Variants in RNFT2 observed in about 807,000 individuals in gnomAD.
RNFT2 encodes E3 ubiquitin-protein ligase RNFT2.
RNFT2 carries 36 observed loss-of-function variants against 53.0 expected under a neutral mutation model. The ratio of observed to expected loss-of-function variants is 0.68; its 90% CI spans 0.52 to 0.90. The LOEUF is 0.90. Among genes scored for constraint, RNFT2 ranks in the 40% least tolerant of loss-of-function variants. RNFT2 has a pLI of 0.00. For synonymous variants in RNFT2, 260 were observed against 253.2 expected, an observed-to-expected ratio of 1.03 and a Z score of -0.26; for missense variants, 514 against 585.6, an observed-to-expected ratio of 0.88 and a Z score of 1.26.
chr12:116,829,428 G>A (rs954848546), intron 7 of RNFT2, among the ~76,000 whole-genome samples: 1 of 152,164 alleles, frequency 6.6e-6, no homozygotes, highest in Non-Finnish European at 1.5e-5. Context: ...GGAGTCAGGA[G>A]GGGAAAGGAG....
intron 7 of RNFT2, among the ~76,000 whole-genome samples, chr12:116,795,501 A>T (rs1471908886): frequency 6.6e-6 from 1 of 152,108 alleles, no homozygotes; most frequent in East Asian, 1.9e-4. Context: ...TACAGGCCAC[A>T]TGTGGCTCTC....
chr12:116,752,580 T>G (rs1425510062), intron 4 of RNFT2, among the ~76,000 whole-genome samples: 2 of 152,098 alleles, frequency 1.3e-5, no homozygotes, highest in African/African-American at 4.8e-5. Context: ...CACATACCTA[T>G]TAAAAGAGTA....
At chr12:116,837,546 T>C (rs1318307682) in intron 10 of RNFT2, among the ~76,000 whole-genome samples, 1 of 152,154 alleles carries the variant, frequency 6.6e-6, no homozygotes, top group African/African-American at 2.4e-5. Context: ...TTATTGCTGT[T>C]TGGAGATTTG....
intron 7 of RNFT2, among the ~76,000 whole-genome samples, chr12:116,804,092 C>A (rs1329698446): frequency 1.3e-5 from 2 of 152,216 alleles, no homozygotes; most frequent in African/African-American, 2.4e-5. Context: ...TGGTTCCTTA[C>A]TTTTACTACA....
chr12:116,801,860 TG>T (rs1256046767), intron 7 of RNFT2, among the ~76,000 whole-genome samples: 5 of 152,150 alleles, frequency 3.3e-5, no homozygotes, highest in African/African-American at 9.6e-5. Context: ...CTCACTCTGT[TG>T]CCCAGGCTGG....
At chr12:116,837,201 C>CAAATGTG (rs1238954165) in intron 10 of RNFT2, among the ~76,000 whole-genome samples, 1 of 152,122 alleles carries the variant, frequency 6.6e-6, no homozygotes, top group South Asian at 2.1e-4. Flanking sequence ...GTCAATTCAG[C>CAAATGTG]AAATGTGTAT....
intron 6 of RNFT2, among the ~76,000 whole-genome samples, chr12:116,778,637 G>T (rs1873547259): frequency 6.6e-6 from 1 of 152,234 alleles, no homozygotes; most frequent in South Asian, 2.1e-4. Flanking sequence ...ATCACTTGAG[G>T]TCAGGAGTTT....
At chr12:116,742,368 A>G (rs1434197560) in intron 3 of RNFT2, among the ~76,000 whole-genome samples, 1 of 151,558 alleles carries the variant, frequency 6.6e-6, no homozygotes, top group African/African-American at 2.4e-5. Flanking sequence ...CTCAGGCTCA[A>G]GCAATCCTCC....
chr12:116,841,958 T>TAG lies in RNFT2; in HGVS notation c.1200+5703_1200+5704dup, dbSNP rs71099003. Among the ~76,000 whole-genome samples, 58 of 6,362 alleles carry TAG rather than the reference T, an allele frequency of 9.1e-3. 1 individual carries two copies. Among genetic ancestry groups the TAG allele is most frequent in the Non-Finnish European group, 0.015 (48 of 3,240 alleles). 4.2% of individuals were successfully genotyped at this position (6,362 alleles called of 152,430 possible). A position where few individuals can be genotyped will look rare whatever the true frequency, so the allele number is the denominator to read the frequency against. On this transcript the variant is annotated intron_variant, in intron 10 of 10. Transcript: ENST00000257575. Reference sequence around the variant, plus strand: ...ATAAATATATATATAAATATATATATAGAGAGAGAGAGAGAGAGAGAGAGA... The same window carrying TAG: ...ATAAATATATATATAAATATATATATAGAGAGAGAGAGAGAGAGAGAGAGAGA...
intron 10 of RNFT2, 27 bp from the exon 11 acceptor site, chr12:116,849,287 G>T: frequency 6.6e-7 from 1 of 1,512,274 alleles, no homozygotes. Flanking sequence ...AAAGAGTCCT[G>T]GTGCCTGCTG....
At chr12:116,812,363 G>A (rs1875422299) in intron 7 of RNFT2, among the ~76,000 whole-genome samples, 1 of 152,132 alleles carries the variant, frequency 6.6e-6, no homozygotes, top group Non-Finnish European at 1.5e-5. Flanking sequence ...GACGGGGATG[G>A]CAGAGGGAGG....
In RNFT2 at chr12:116,835,961, C is replaced by T. The variant is rs757334013; in HGVS notation, c.1034C>T (p.Ser345Phe). 2.5e-6 allele frequency: 4 copies of T among 1,613,986 alleles called. No homozygotes were observed. The highest frequency in any genetic ancestry group is 3.4e-6 in the Non-Finnish European group (4 of 1,179,882). ...GCCACCACCCTGCTCTCCTTTCAGTCCTTCGACATCTGTGGACGTGTGGGC... is the reference window on the plus strand; with the variant it reads ...GCCACCACCCTGCTCTCCTTTCAGTTCTTCGACATCTGTGGACGTGTGGGC... Reference protein sequence around the residue: ...VLIVLYSLCKSFDICGRVGGV... With the variant: ...VLIVLYSLCKFFDICGRVGGV... Residue 345 changes from serine (S) to phenylalanine (F), a missense_variant and splice_region_variant, in exon 9 of 11, where the codon TCC becomes TTC. This residue lies in a region of RNFT2 where 273 missense variants were observed against 334.4 expected (regional missense o/e 0.82). Transcript: ENST00000257575.
chr12:116,781,418 C>A (rs562822382), intron 7 of RNFT2, among the ~76,000 whole-genome samples: 1 of 152,302 alleles, frequency 6.6e-6, no homozygotes, highest in East Asian at 1.9e-4. Flanking sequence ...GCTGCTGTGA[C>A]AAATTGCTAC....
intron 6 of RNFT2, among the ~76,000 whole-genome samples, chr12:116,769,745 G>A (rs1873089618): frequency 2.0e-5 from 3 of 151,974 alleles, no homozygotes; most frequent in Admixed American, 1.3e-4. Context: ...TAAAATAAAT[G>A]TAACGGCCGG....
intron 10 of RNFT2, among the ~76,000 whole-genome samples, chr12:116,837,543 T>C (rs568199181): frequency 2.0e-5 from 3 of 152,278 alleles, no homozygotes; most frequent in Admixed American, 6.5e-5. Context: ...TTGTTATTGC[T>C]GTTTGGAGAT....
At chr12:116,833,476 C>T (rs1360139315) in intron 7 of RNFT2, among the ~76,000 whole-genome samples, 4 of 152,158 alleles carry the variant, frequency 2.6e-5, no homozygotes. Flanking sequence ...CAAGCCACAG[C>T]GAGACCCAGA....
chr12:116,767,130 T>C (rs74567077), intron 6 of RNFT2, among the ~76,000 whole-genome samples: 61 of 152,360 alleles, frequency 4.0e-4, no homozygotes, highest in Non-Finnish European at 7.3e-4. Flanking sequence ...TTCTAGTTAC[T>C]GAAAACTAAA....
At chr12:116,760,857 T>A (rs1282201085) in intron 5 of RNFT2, among the ~76,000 whole-genome samples, 1 of 152,174 alleles carries the variant, frequency 6.6e-6, no homozygotes, top group Non-Finnish European at 1.5e-5. Flanking sequence ...CCATCCGCCA[T>A]GATCTCACCA....
At chr12:116,742,265 C>CTTT (rs769733957) in intron 3 of RNFT2, among the ~76,000 whole-genome samples, 8 of 112,240 alleles carry the variant, frequency 7.1e-5, no homozygotes, top group Non-Finnish European at 9.5e-5. Context: ...GAGGTGGTTT[C>CTTT]TTTTTTTTTT....
Sources: gnomAD v4.1 joint callset for allele counts (sites outside exome capture counted in the v4.1 genomes callset) on GRCh38, gnomAD v4.1.1 for gene constraint, gnomAD v4.1.1 regional missense constraint, MANE v1.5 for transcripts, NCBI Gene and HGNC (gene_info 2026-07-23, HGNC 2026-07-21) for gene names.